SEMA4D: variants seen among roughly 807,000 people sequenced by gnomAD.
SEMA4D encodes semaphorin-4D.
Under a neutral mutation model 74.8 loss-of-function variants are expected in SEMA4D, and 22 were observed. The observed-to-expected ratio is 0.29, with a 90% CI of 0.21 to 0.42. The LOEUF is 0.42. Ranked by LOEUF, SEMA4D falls within the 10% of genes least tolerant of loss-of-function variation. The pLI, the probability that SEMA4D is intolerant of heterozygous loss-of-function variation, is 1.00. For missense variants in SEMA4D, 937 were observed against 1,118.4 expected, an observed-to-expected ratio of 0.84 and a Z score of 2.31; for synonymous variants, 445 against 463.7, an observed-to-expected ratio of 0.96 and a Z score of 0.52.
Position 89,379,469 on chromosome 9 carries a change from GT to G in SEMA4D, c.1823del (p.Asn608ThrfsTer39). On this transcript the variant is annotated frameshift_variant, in exon 16 of 16. Coordinates refer to ENST00000422704, the MANE Select transcript of SEMA4D (RefSeq NM_001371194.2). LOFTEE classifies it low-confidence loss of function (END_TRUNC). ...CTTCTGACAAGTTGAAGATGAGCAA[GT>G]TTTTTCTGCCCATAAGACCGTACTT... ...SPKYGLMGRK[N>X]LLIFNLSEGD... 6.2e-7 allele frequency: 1 copy of G among 1,614,180 alleles called. No individual in the cohort carries two copies. The highest frequency in any genetic ancestry group is 8.5e-7 in the Non-Finnish European group (1 of 1,180,046).
chr9:89,376,706 C>T (rs552612993), downstream of SEMA4D: 53 of 1,338,968 alleles, frequency 4.0e-5, no homozygotes, highest in Middle Eastern at 2.6e-4. Flanking sequence ...ACCCGAGGGA[C>T]GCAGCCAGGA....
chr9:89,429,307 G>A (rs1340739391), intron 2 of SEMA4D, among the ~76,000 whole-genome samples: 1 of 152,220 alleles, frequency 6.6e-6, no homozygotes, highest in Non-Finnish European at 1.5e-5. Context: ...ACGACATCTA[G>A]GAGAGCATCG....
chr9:89,385,601 G>A (rs2132952032), intron 13 of SEMA4D: 1 of 982,498 alleles, frequency 1.0e-6, no homozygotes, highest in South Asian at 4.7e-5. Flanking sequence ...ATTAGCAGAG[G>A]GGAGGTGACC....
intron 16 of SEMA4D, chr9:89,364,017 G>GT: frequency 6.2e-7 from 1 of 1,612,998 alleles, no homozygotes; most frequent in South Asian, 1.1e-5. Context: ...CCCCATGAGG[G>GT]TGCAGGGGGG....
intron 2 of SEMA4D, among the ~76,000 whole-genome samples, chr9:89,454,352 G>T (rs1023966090): frequency 6.6e-6 from 1 of 152,178 alleles, no homozygotes; most frequent in African/African-American, 2.4e-5. Context: ...CTCCAGGAGT[G>T]GCCACAGAAG....
At chr9:89,379,943 T>C (rs1836633336) in intron 15 of SEMA4D, among the ~76,000 whole-genome samples, 1 of 152,222 alleles carries the variant, frequency 6.6e-6, no homozygotes, top group Admixed American at 6.5e-5. Context: ...TGTCAGCTCT[T>C]TGAATCAGAC....
At chr9:89,459,950 G>T (rs77089813) in intron 1 of SEMA4D, among the ~76,000 whole-genome samples, 2,879 of 152,262 alleles carry the variant, frequency 0.019, 36 homozygotes, top group Middle Eastern at 0.078. Context: ...CAGGAGGTAA[G>T]AAATCCCCTG....
chr9:89,487,888 G>C (rs749420152), intron 1 of SEMA4D, among the ~76,000 whole-genome samples: 14 of 152,190 alleles, frequency 9.2e-5, no homozygotes, highest in Non-Finnish European at 2.1e-4. Context: ...ATGCTCATTG[G>C]TCAAGAGACC....
At chr9:89,419,767 A>C (rs1290932137) in intron 2 of SEMA4D, among the ~76,000 whole-genome samples, 1 of 152,086 alleles carries the variant, frequency 6.6e-6, no homozygotes, top group Non-Finnish European at 1.5e-5. Flanking sequence ...AAATACAAAA[A>C]TTAGCTGGGT....
At chr9:89,412,903 C>T (rs192399266) in intron 2 of SEMA4D, among the ~76,000 whole-genome samples, 224 of 152,244 alleles carry the variant, frequency 1.5e-3, no homozygotes, top group African/African-American at 5.1e-3. Context: ...AAAGCACACA[C>T]CACAACTCAC....
At position 89,498,034 on chromosome 9, in the gene SEMA4D, C is replaced by A. The variant is rs1320336010; in HGVS notation, c.-425G>T. The stretch of plus-strand genomic sequence containing the variant: ...GGCGGCCGGGCCGGGGAGGGGGTGG[C>A]GGGGAGGCCCGGCGGCGGCAGCGGC... On this transcript the variant is annotated 5_prime_UTR_variant, in exon 1 of 16. Coordinates refer to ENST00000422704, the MANE Select transcript of SEMA4D (RefSeq NM_001371194.2). 1 of 147,214 alleles carries A rather than the reference C, an allele frequency of 6.8e-6. No homozygotes were observed. Among genetic ancestry groups the A allele is most frequent in the Non-Finnish European group, 1.5e-5 (1 of 65,884 alleles). 9.1% of individuals were successfully genotyped at this position (147,214 alleles called of 1,614,324 possible). A position where few individuals can be genotyped will look rare whatever the true frequency, so the allele number is the denominator to read the frequency against.
chr9:89,429,516 C>T lies in SEMA4D; in HGVS notation c.-243-23817G>A, dbSNP rs181580594. Among the ~76,000 whole-genome samples the T allele has an allele frequency of 4.3e-4, 66 of 152,292 alleles. No homozygotes were observed. In the East Asian group the frequency reaches 0.011, roughly 25 times the overall value. On this transcript the variant is annotated intron_variant, in intron 2 of 15. Transcript: ENST00000422704. The stretch of plus-strand genomic sequence containing the variant: ...TACAGGCATGGAAAGCAAAGTTCCC[C>T]GCCCTGCATCAGAGACAAACTCAGG...
In SEMA4D at chr9:89,450,344, A is replaced by T. The variant is rs115500676; in HGVS notation, c.-244+5544T>A. The T allele has an allele frequency of 7.4e-4, 700 of 942,898 alleles. 5 individuals carry two copies. In the African/African-American group the frequency reaches 9.6e-3, roughly 13 times the overall value. The allele number at this position is 942,898 out of a possible 1,614,324, so 58.4% of individuals were successfully genotyped here. On this transcript the variant is annotated intron_variant, in intron 2 of 15. Coordinates refer to ENST00000422704, the MANE Select transcript of SEMA4D (RefSeq NM_001371194.2). The stretch of plus-strand genomic sequence containing the variant: ...AGTATGGACTGAAAATGAAAACTTG[A>T]CATGCCTTCTTCAGTGACATGAAAA...
chr9:89,432,491 A>G (rs1182168862), intron 2 of SEMA4D, among the ~76,000 whole-genome samples: 2 of 152,212 alleles, frequency 1.3e-5, no homozygotes, highest in African/African-American at 4.8e-5. Context: ...CACTGGCTGC[A>G]TGGCTCTTCC....
At chr9:89,396,109 G>C (rs990029060) in intron 6 of SEMA4D, among the ~76,000 whole-genome samples, 8 of 152,206 alleles carry the variant, frequency 5.3e-5, no homozygotes, top group African/African-American at 1.9e-4. Flanking sequence ...GAGCCGGTGA[G>C]GGACAGAGGC....
downstream of SEMA4D, among the ~76,000 whole-genome samples, chr9:89,372,934 T>C (rs1835310134): frequency 6.6e-6 from 1 of 152,106 alleles, no homozygotes; most frequent in Non-Finnish European, 1.5e-5. Context: ...CATCTTCCAC[T>C]GATAATTCCA....
chr9:89,493,727 T>C (rs988289801), intron 1 of SEMA4D, among the ~76,000 whole-genome samples: 1 of 152,240 alleles, frequency 6.6e-6, no homozygotes, highest in Non-Finnish European at 1.5e-5. Flanking sequence ...TAGACTTCTA[T>C]GCAGCACGCA....
At chr9:89,475,180 G>A (rs559068802) in intron 1 of SEMA4D, among the ~76,000 whole-genome samples, 14 of 152,250 alleles carry the variant, frequency 9.2e-5, no homozygotes, top group Non-Finnish European at 1.9e-4. Context: ...TGCCAGGAAT[G>A]ACCAGGCTTT....
At chr9:89,462,434 T>C (rs1042575979) in intron 1 of SEMA4D, among the ~76,000 whole-genome samples, 6 of 152,152 alleles carry the variant, frequency 3.9e-5, no homozygotes, top group African/African-American at 1.4e-4. Context: ...TATAACAACA[T>C]TGATGTGAGC....
Sources: allele counts gnomAD v4.1 joint callset (sites outside exome capture counted in the v4.1 genomes callset), GRCh38; gene constraint gnomAD v4.1.1; transcripts MANE v1.5; gene names NCBI Gene and HGNC (gene_info 2026-07-23, HGNC 2026-07-21).